CDC42BPA: variants seen among roughly 807,000 people sequenced by gnomAD.
CDC42BPA encodes the protein CDC42 binding protein kinase alpha, also known as serine/threonine-protein kinase MRCK alpha.
CDC42BPA carries 80 observed loss-of-function variants against 223.5 expected under a neutral mutation model. The ratio of observed to expected loss-of-function variants is 0.36; its 90% CI spans 0.30 to 0.43. The LOEUF is 0.43. CDC42BPA is among the 20% of genes least tolerant of loss of function. The pLI is 1.00. For synonymous variants in CDC42BPA, 694 were observed against 718.6 expected, an observed-to-expected ratio of 0.97 and a Z score of 0.55; for missense variants, 1,743 against 2,099.9, an observed-to-expected ratio of 0.83 and a Z score of 3.32.
chr1:227,177,570 T>A (rs1667186589), intron 5 of CDC42BPA, among the ~76,000 whole-genome samples: 1 of 152,166 alleles, frequency 6.6e-6, no homozygotes, highest in Admixed American at 6.5e-5. Flanking sequence ...GAGCTAGGTG[T>A]GGTTTTCCCA....
intron 34 of CDC42BPA, among the ~76,000 whole-genome samples, chr1:227,011,921 GGA>G (rs1416617127): frequency 1.3e-5 from 2 of 152,254 alleles, no homozygotes; most frequent in South Asian, 4.2e-4. Flanking sequence ...ATGGCGTGTT[GGA>G]GAGAGTGCTA....
chr1:227,316,650 C>G (rs1055703072), intron 1 of CDC42BPA, among the ~76,000 whole-genome samples: 4 of 152,112 alleles, frequency 2.6e-5, no homozygotes, highest in Non-Finnish European at 5.9e-5. Context: ...CAATAAATAC[C>G]TTTCAAATGA....
At chr1:227,036,619 C>G (rs927222047) in intron 24 of CDC42BPA, among the ~76,000 whole-genome samples, 1 of 151,932 alleles carries the variant, frequency 6.6e-6, no homozygotes, top group South Asian at 2.1e-4. Flanking sequence ...TTAGTAGAGA[C>G]GGGGTTTCAC....
chr1:227,245,038 TGCAG>T (rs1220841563), intron 2 of CDC42BPA, among the ~76,000 whole-genome samples: 1 of 152,184 alleles, frequency 6.6e-6, no homozygotes, highest in African/African-American at 2.4e-5. Flanking sequence ...GCATCACCAC[TGCAG>T]GCTGAAGTGC....
chr1:227,240,524 G>A (rs1679834252), intron 2 of CDC42BPA, among the ~76,000 whole-genome samples: 1 of 151,990 alleles, frequency 6.6e-6, no homozygotes, highest in Non-Finnish European at 1.5e-5. Context: ...TTAGTATAAA[G>A]CTATAGGAAT....
rs566487115 is a variant in CDC42BPA at position 227,257,871 on chromosome 1, T to C, written c.179-3716A>G. Among the ~76,000 whole-genome samples the C allele has an allele frequency of 1.9e-4, 28 of 150,836 alleles. 1 individual carries two copies. Among genetic ancestry groups the C allele is most frequent in the Admixed American group, 1.1e-3 (17 of 15,224 alleles). On this transcript the variant is annotated intron_variant, in intron 1 of 36. Transcript: ENST00000366766. Reference sequence around the variant, plus strand: ...ACAAGGTGGGAGATACATACAGACCTACTAGAACTAAAAATGGGGCCGGGT... The same window carrying C: ...ACAAGGTGGGAGATACATACAGACCCACTAGAACTAAAAATGGGGCCGGGT...
At chr1:227,199,315 T>C (rs576435869) in intron 4 of CDC42BPA, among the ~76,000 whole-genome samples, 1 of 152,156 alleles carries the variant, frequency 6.6e-6, no homozygotes, top group South Asian at 2.1e-4. Flanking sequence ...ACTTAACCAA[T>C]GGAAATTAAA....
rs540193354 is a variant in CDC42BPA at position 227,007,877 on chromosome 1, C to T, written c.4858-2766G>A. On this transcript the variant is annotated intron_variant, in intron 34 of 36. Coordinates refer to ENST00000366766, the MANE Select transcript of CDC42BPA (RefSeq NM_001394014.1). ...AGAAAAGGCCTAAATGCTTAAACTA[C>T]ATTTTACATATTTTACTAAACGTCC... is the stretch of plus-strand genomic sequence containing the variant. Among the ~76,000 whole-genome samples the T allele has an allele frequency of 1.4e-3, 216 of 152,292 alleles. 1 individual carries two copies. Among genetic ancestry groups the T allele is most frequent in the African/African-American group, 5.1e-3 (213 of 41,570 alleles).
intron 2 of CDC42BPA, among the ~76,000 whole-genome samples, chr1:227,252,120 G>A (rs2670448): frequency 0.16 from 23,990 of 151,716 alleles, 2,184 homozygotes; most frequent in East Asian, 0.37. Context: ...TGAAAAATCA[G>A]AAAAAGAATA....
chr1:227,214,616 A>G (rs1391903665), intron 2 of CDC42BPA, among the ~76,000 whole-genome samples: 2 of 152,166 alleles, frequency 1.3e-5, no homozygotes, highest in South Asian at 4.1e-4. Context: ...CAGGAGCACT[A>G]AGCTATACAA....
chr1:227,270,092 T>A (rs181426403), intron 1 of CDC42BPA, among the ~76,000 whole-genome samples: 1 of 152,146 alleles, frequency 6.6e-6, no homozygotes, highest in African/African-American at 2.4e-5. Flanking sequence ...CCCACATATA[T>A]CCATACAATG....
At position 227,216,278 on chromosome 1, in the gene CDC42BPA, T is replaced by C. The variant is rs144758151; in HGVS notation, c.271-3059A>G. 1.6e-4 allele frequency among the ~76,000 whole-genome samples: 25 copies of C among 152,312 alleles called. No individual in the cohort carries two copies. The South Asian group carries it at 4.3e-3, about 26-fold the overall frequency. On this transcript the variant is annotated intron_variant, in intron 2 of 36. Transcript: ENST00000366766. The stretch of plus-strand genomic sequence containing the variant: ...ATTTGAAGCATGGAATGAGGTAGTA[T>C]GGGATACCACACATCACATCCTGGT...
chr1:227,212,018 T>G (rs1183505660), intron 3 of CDC42BPA, among the ~76,000 whole-genome samples: 1 of 152,124 alleles, frequency 6.6e-6, no homozygotes, highest in Non-Finnish European at 1.5e-5. Context: ...CACTTTGGCT[T>G]TATCTGTAAT....
At position 227,103,405 on chromosome 1, in the gene CDC42BPA, A is replaced by G. The variant is rs977698963; in HGVS notation, c.2002-2166T>C. ...AATTTCTGATTTATATGAGAAACCT[A>G]CAAGTCTTGAAACAAAGTATTTAAA... is the stretch of plus-strand genomic sequence containing the variant. On this transcript the variant is annotated intron_variant, in intron 14 of 36. Transcript: ENST00000366766. Among the ~76,000 whole-genome samples the G allele has an allele frequency of 2.6e-5, 4 of 152,084 alleles. 1 individual carries two copies. The highest frequency in any genetic ancestry group is 9.7e-5 in the African/African-American group (4 of 41,440).
intron 2 of CDC42BPA, among the ~76,000 whole-genome samples, chr1:227,215,507 T>C (rs986900474): frequency 3.3e-5 from 5 of 152,290 alleles, no homozygotes; most frequent in East Asian, 3.9e-4. Context: ...TATTGAGGTA[T>C]TGTGGTGTAA....
chr1:227,057,495 T>G (rs1343614704), intron 21 of CDC42BPA, among the ~76,000 whole-genome samples: 2 of 152,168 alleles, frequency 1.3e-5, no homozygotes. Context: ...CCTACTGAAA[T>G]ACACTGATGT....
intron 1 of CDC42BPA, among the ~76,000 whole-genome samples, chr1:227,299,091 T>C (rs1021792496): frequency 3.9e-5 from 6 of 152,172 alleles, no homozygotes; most frequent in African/African-American, 1.4e-4. Context: ...TTCATAAAGC[T>C]TACTGGATTT....
intron 1 of CDC42BPA, among the ~76,000 whole-genome samples, chr1:227,261,124 C>CTTTTTTTCTTTTTTTTTT (rs1553422987): frequency 8.3e-6 from 1 of 121,002 alleles, no homozygotes; most frequent in African/African-American, 3.2e-5. Context: ...TTGAGTTTTT[C>CTTTTTTTCTTTTTTTTTT]TTTTTTTTTG....
Position 227,254,099 on chromosome 1 carries a change from T to G in CDC42BPA, c.235A>C (p.Ile79Leu). The G allele has an allele frequency of 6.2e-7, 1 of 1,602,920 alleles. No individual in the cohort carries two copies. Among genetic ancestry groups the G allele is most frequent in the Non-Finnish European group, 8.5e-7 (1 of 1,173,666 alleles). ...QMRLHREDFE[I>L]LKVIGRGAFG... ...GCTCCTCGACCAATCACCTTTAATA[T>G]TTCAAAGTCTTCTCTATGTAATCGC... Residue 79 changes from isoleucine to leucine, a missense_variant, in exon 2 of 37, where the codon ATA (isoleucine) becomes CTA (leucine). By Grantham distance (5) the Ile-to-Leu change is conservative. Around this residue, in one of 6 missense-constraint regions of CDC42BPA, gnomAD observed 321 missense variants for 488.7 expected, o/e 0.66. Coordinates refer to ENST00000366766, the MANE Select transcript of CDC42BPA (RefSeq NM_001394014.1).
Sources: gnomAD v4.1 joint callset for allele counts (sites outside exome capture counted in the v4.1 genomes callset) on GRCh38, gnomAD v4.1.1 for gene constraint, gnomAD v4.1.1 regional missense constraint, MANE v1.5 for transcripts, NCBI Gene and HGNC (gene_info 2026-07-23, HGNC 2026-07-21) for gene names.